LHFPL3: variants seen among roughly 807,000 people sequenced by gnomAD.
The protein encoded by LHFPL3 is LHFPL tetraspan subfamily member 3, also known as LHFPL tetraspan subfamily member 3 protein.
LHFPL3 carries 5 observed loss-of-function variants against 19.3 expected under a neutral mutation model. The ratio of observed to expected loss-of-function variants is 0.26; its 90% CI spans 0.14 to 0.54. The LOEUF is 0.54. Among genes scored for constraint, LHFPL3 ranks in the 20% least tolerant of loss-of-function variants. LHFPL3 has a pLI of 0.94. For missense variants in LHFPL3, 249 were observed against 307.4 expected, an observed-to-expected ratio of 0.81 and a Z score of 1.42; for synonymous variants, 133 against 126.2, an observed-to-expected ratio of 1.05 and a Z score of -0.36.
intron 1 of LHFPL3, among the ~76,000 whole-genome samples, chr7:104,564,179 A>G (rs914036817): frequency 6.6e-6 from 1 of 152,172 alleles, no homozygotes; most frequent in Non-Finnish European, 1.5e-5. Context: ...ATTTTCACTT[A>G]TGTTTGTTTC....
chr7:104,708,644 C>G (rs1001740221), intron 1 of LHFPL3, among the ~76,000 whole-genome samples: 2 of 152,136 alleles, frequency 1.3e-5, no homozygotes, highest in Admixed American at 6.5e-5. Flanking sequence ...GCCATGTCCT[C>G]CCCACTACAC....
chr7:104,499,989 G>T (rs546446122), intron 1 of LHFPL3, among the ~76,000 whole-genome samples: 1 of 152,110 alleles, frequency 6.6e-6, no homozygotes, highest in South Asian at 2.1e-4. Flanking sequence ...ATTCTTTAAC[G>T]TAAGACTGAG....
chr7:104,480,047 C>T (rs1341520312), intron 1 of LHFPL3, among the ~76,000 whole-genome samples: 1 of 152,088 alleles, frequency 6.6e-6, no homozygotes, highest in Non-Finnish European at 1.5e-5. Flanking sequence ...GAGTTTTATA[C>T]CAGATCAGAC....
chr7:104,553,999 C>T (rs991198207), intron 1 of LHFPL3, among the ~76,000 whole-genome samples: 4 of 152,230 alleles, frequency 2.6e-5, no homozygotes, highest in Middle Eastern at 3.4e-3. Context: ...TTCCCAAGCA[C>T]GTGATACCCC....
At chr7:104,674,372 C>CTTTTTTTTTTTTTTTTTTTT (rs531335106) in intron 1 of LHFPL3, among the ~76,000 whole-genome samples, 1 of 134,704 alleles carries the variant, frequency 7.4e-6, no homozygotes. Flanking sequence ...TTTTCTTTTT[C>CTTTTTTTTTTTTTTTTTTTT]TTTTTTTTTT....
chr7:104,663,285 C>T (rs1237595085), intron 1 of LHFPL3, among the ~76,000 whole-genome samples: 1 of 152,210 alleles, frequency 6.6e-6, no homozygotes, highest in Non-Finnish European at 1.5e-5. Context: ...AAACACAACA[C>T]ACCAGAAGTA....
At chr7:104,329,895 A>C (rs1311677970) in intron 1 of LHFPL3, among the ~76,000 whole-genome samples, 3 of 152,200 alleles carry the variant, frequency 2.0e-5, no homozygotes, top group Non-Finnish European at 4.4e-5. Flanking sequence ...TGTCCGTGCA[A>C]AGTTCCTTCC....
intron 1 of LHFPL3, among the ~76,000 whole-genome samples, chr7:104,377,732 A>G (rs1163516662): frequency 6.6e-6 from 1 of 152,188 alleles, no homozygotes; most frequent in Non-Finnish European, 1.5e-5. Flanking sequence ...CCCCACCTCA[A>G]ATCATCACAG....
chr7:104,519,866 G>C (rs551319072), intron 1 of LHFPL3, among the ~76,000 whole-genome samples: 24 of 152,168 alleles, frequency 1.6e-4, no homozygotes, highest in African/African-American at 5.5e-4. Context: ...TACAAATGAA[G>C]AATTATAAAG....
At chr7:104,360,349 C>G (rs6964560) in intron 1 of LHFPL3, among the ~76,000 whole-genome samples, 50,040 of 152,080 alleles carry the variant, frequency 0.33, 8,778 homozygotes, top group African/African-American at 0.45. Context: ...TATGTCTGTA[C>G]TCATGCTTGT....
intron 2 of LHFPL3, among the ~76,000 whole-genome samples, chr7:104,889,850 T>C (rs1166013092): frequency 6.6e-6 from 1 of 152,222 alleles, no homozygotes; most frequent in Non-Finnish European, 1.5e-5. Context: ...CTTGATGAAG[T>C]AGAAATTTTC....
intron 1 of LHFPL3, among the ~76,000 whole-genome samples, chr7:104,716,045 A>T (rs1312304573): frequency 6.6e-6 from 1 of 152,172 alleles, no homozygotes; most frequent in Non-Finnish European, 1.5e-5. Context: ...CAGGAGAAGA[A>T]ATAAACAGCC....
At chr7:104,851,023 C>T (rs907854143) in intron 2 of LHFPL3, among the ~76,000 whole-genome samples, 1 of 152,290 alleles carries the variant, frequency 6.6e-6, no homozygotes, top group African/African-American at 2.4e-5. Context: ...GAAGGAATAG[C>T]ACCACCTTTG....
At chr7:104,353,974 T>C (rs1012291191) in intron 1 of LHFPL3, among the ~76,000 whole-genome samples, 1 of 152,146 alleles carries the variant, frequency 6.6e-6, no homozygotes, top group African/African-American at 2.4e-5. Context: ...TATTTCCTCA[T>C]TTCCCACTCT....
intron 1 of LHFPL3, among the ~76,000 whole-genome samples, chr7:104,529,030 C>T (rs546385980): frequency 1.3e-5 from 2 of 152,278 alleles, no homozygotes; most frequent in East Asian, 3.9e-4. Flanking sequence ...TCTCCAGCCT[C>T]AGGCTCTACA....
At chr7:104,682,249 G>C (rs1409116984) in intron 1 of LHFPL3, among the ~76,000 whole-genome samples, 1 of 152,104 alleles carries the variant, frequency 6.6e-6, no homozygotes, top group Non-Finnish European at 1.5e-5. Context: ...CACCCATTTT[G>C]TACAAGCTGT....
intron 2 of LHFPL3, among the ~76,000 whole-genome samples, chr7:104,827,034 GGA>G (rs139943888): frequency 0.016 from 2,361 of 151,948 alleles, 118 homozygotes; most frequent in African/African-American, 0.051. Context: ...GATGTATGGG[GGA>G]CCCCATCACC....
chr7:104,618,264 C>A (rs1222229997), intron 1 of LHFPL3, among the ~76,000 whole-genome samples: 5 of 152,178 alleles, frequency 3.3e-5, no homozygotes. Context: ...AAAATAATTT[C>A]ATCAATGCTT....
At chr7:104,653,921 G>A (rs191180405) in intron 1 of LHFPL3, among the ~76,000 whole-genome samples, 221 of 152,270 alleles carry the variant, frequency 1.5e-3, no homozygotes, top group Non-Finnish European at 1.8e-3. Flanking sequence ...CGCAGAACCA[G>A]GTGATGTTGC....
Sources: gnomAD v4.1 joint callset for allele counts (sites outside exome capture counted in the v4.1 genomes callset) on GRCh38, gnomAD v4.1.1 for gene constraint, MANE v1.5 for transcripts, NCBI Gene and HGNC (gene_info 2026-07-23, HGNC 2026-07-21) for gene names.